The following PPP2R2C variants were observed in gnomAD, a reference collection of about 807,000 sequenced individuals.
PPP2R2C encodes protein phosphatase 2 regulatory subunit Bgamma.
A neutral mutation model predicts 45.3 loss-of-function variants in PPP2R2C; 10 were observed. That is an observed-to-expected ratio of 0.22 (90% confidence interval 0.14 to 0.37). PPP2R2C has a LOEUF of 0.37. Ranked by LOEUF, PPP2R2C falls within the 10% of genes least tolerant of loss-of-function variation. PPP2R2C has a pLI of 1.00. For synonymous variants in PPP2R2C, 257 were observed against 245.4 expected (o/e 1.05, Z -0.44); for missense variants, 308 against 619.7 (o/e 0.50, Z 5.34).
intron 1 of PPP2R2C, among the ~76,000 whole-genome samples, chr4:6,423,901 G>C (rs1203527147): frequency 6.8e-6 from 1 of 146,336 alleles, no homozygotes; most frequent in Non-Finnish European, 1.5e-5. Flanking sequence ...TTGAGAGTGT[G>C]TTAGGGTTAG....
At chr4:6,525,740 G>A (rs1440182880) in intron 2 of PPP2R2C, among the ~76,000 whole-genome samples, 3 of 152,034 alleles carry the variant, frequency 2.0e-5, no homozygotes, top group East Asian at 1.9e-4. Flanking sequence ...GTCTTGCTCT[G>A]TCTCCCAGAC....
intron 2 of PPP2R2C, among the ~76,000 whole-genome samples, chr4:6,502,028 G>A (rs116244130): frequency 5.7e-4 from 87 of 152,376 alleles, no homozygotes; most frequent in African/African-American, 2.1e-3. Context: ...CTGTCCTCAG[G>A]TGTCTAAAGG....
chr4:6,507,378 G>A (rs141514221), intron 2 of PPP2R2C, among the ~76,000 whole-genome samples: 10 of 152,326 alleles, frequency 6.6e-5, no homozygotes, highest in Non-Finnish European at 8.8e-5. Flanking sequence ...CAGCAACGTC[G>A]CAGGAAAGCC....
chr4:6,327,686 C>T (rs1327245210), intron 8 of PPP2R2C, among the ~76,000 whole-genome samples: 1 of 152,154 alleles, frequency 6.6e-6, no homozygotes, highest in African/African-American at 2.4e-5. Context: ...GGGGGCAGGG[C>T]CTAGAGAGAA....
intron 1 of PPP2R2C, 100 bp downstream of exon 1, chr4:6,472,060 C>A (rs1032482211): frequency 6.9e-7 from 1 of 1,450,548 alleles, no homozygotes; most frequent in Non-Finnish European, 9.5e-7. Context: ...CGGGGGGACA[C>A]GACACACATC....
rs1386079538 is a variant in PPP2R2C, at chr4:6,378,880, T to C, written c.169-308A>G. 6.6e-6 allele frequency among the ~76,000 whole-genome samples: 1 copy of C among 151,590 alleles called. No individual in the cohort carries two copies. Among genetic ancestry groups the C allele is most frequent in the Non-Finnish European group, 1.5e-5 (1 of 67,920 alleles). On this transcript the variant is annotated intron_variant, in intron 2 of 8. Transcript: ENST00000382599. This position sits in a 1 kb window ranked among gnomAD's most constrained non-coding sequence, Gnocchi z 5.2. The stretch of plus-strand genomic sequence containing the variant: ...ACTAAGTCCTCCCCGCACCATCGCA[T>C]TCTACCCTCCAGGCCTCCTCTGCTT...
At chr4:6,356,152 T>C (rs558649254) in intron 5 of PPP2R2C, among the ~76,000 whole-genome samples, 7 of 152,284 alleles carry the variant, frequency 4.6e-5, no homozygotes, top group East Asian at 1.9e-4. Context: ...TCTTTTTAGG[T>C]TGCAAATACT....
At chr4:6,520,281 G>A (rs938960425) in intron 2 of PPP2R2C, among the ~76,000 whole-genome samples, 3 of 152,128 alleles carry the variant, frequency 2.0e-5, no homozygotes, top group Admixed American at 6.5e-5. Context: ...GCTCCGGCCC[G>A]GGCTGGGCTC....
rs1577071888 is a variant in PPP2R2C, at chr4:6,332,809, T to G, written c.960+753A>C. Among the ~76,000 whole-genome samples the G allele has an allele frequency of 6.6e-6, 1 of 151,936 alleles. No individual in the cohort carries two copies. The highest frequency in any genetic ancestry group is 2.1e-4 in the South Asian group (1 of 4,806). The stretch of plus-strand genomic sequence containing the variant: ...TGACACGGTGAGGAACCGGCTGGGG[T>G]TTCTGGTGGGGTGTTTTCCCACCCA... On this transcript the variant is annotated intron_variant, in intron 7 of 8. Transcript: ENST00000382599. This position sits in a 1 kb window ranked among gnomAD's most constrained non-coding sequence, Gnocchi z 4.9.
At chr4:6,436,465 T>C (rs1488214768) in intron 1 of PPP2R2C, among the ~76,000 whole-genome samples, 2 of 152,248 alleles carry the variant, frequency 1.3e-5, no homozygotes, top group African/African-American at 2.4e-5. Context: ...CCAGAAGCTA[T>C]GGTTCCATCA....
chr4:6,394,427 T>C (rs1274292305), intron 1 of PPP2R2C, among the ~76,000 whole-genome samples: 1 of 152,230 alleles, frequency 6.6e-6, no homozygotes, highest in Non-Finnish European at 1.5e-5. Flanking sequence ...CACAGAACTA[T>C]GTGGACATTG....
At chr4:6,389,644 C>T (rs1359402549) in intron 1 of PPP2R2C, among the ~76,000 whole-genome samples, 1 of 152,152 alleles carries the variant, frequency 6.6e-6, no homozygotes, top group African/African-American at 2.4e-5. Flanking sequence ...CCAGGTCCAG[C>T]GGGGTGACGT....
At chr4:6,515,559 A>T (rs4234754) in intron 2 of PPP2R2C, among the ~76,000 whole-genome samples, 1 of 152,200 alleles carries the variant, frequency 6.6e-6, no homozygotes, top group Admixed American at 6.5e-5. Context: ...AAGAGCTGTC[A>T]TGCAGACTAA....
At chr4:6,477,966 T>C (rs4234745) in intron 2 of PPP2R2C, among the ~76,000 whole-genome samples, 35,664 of 151,864 alleles carry the variant, frequency 0.23, 4,630 homozygotes, top group East Asian at 0.6. Flanking sequence ...TTCCCCTTCC[T>C]GGTTCAGATG....
At position 6,378,028 on chromosome 4, in the gene PPP2R2C, C is replaced by G. The variant is rs1242657851; in HGVS notation, c.334+379G>C. 1.3e-5 allele frequency among the ~76,000 whole-genome samples: 2 copies of G among 152,184 alleles called. No individual in the cohort carries two copies. The highest frequency in any genetic ancestry group is 2.9e-5 in the Non-Finnish European group (2 of 68,040). ...ACTTTGTGTCAAATATCCCCCGTGT[C>G]TGCGACCTGCATCCTTGTCCATCAC... On this transcript the variant is annotated intron_variant, in intron 3 of 8. Coordinates refer to ENST00000382599, the MANE Select transcript of PPP2R2C (RefSeq NM_020416.4). The surrounding 1 kb of genome is among the most constrained non-coding windows in gnomAD (Gnocchi z 5.2).
At chr4:6,530,339 G>A (rs3934626) in intron 2 of PPP2R2C, among the ~76,000 whole-genome samples, 28,919 of 151,960 alleles carry the variant, frequency 0.19, 3,175 homozygotes, top group African/African-American at 0.32. Flanking sequence ...TGCACGCGAC[G>A]TATGTAGAAG....
chr4:6,504,035 G>A (rs1056673835), intron 2 of PPP2R2C, among the ~76,000 whole-genome samples: 2 of 152,248 alleles, frequency 1.3e-5, no homozygotes, highest in African/African-American at 4.8e-5. Context: ...CCTGAGAGCA[G>A]TCCTCCTCCT....
intron 1 of PPP2R2C, among the ~76,000 whole-genome samples, chr4:6,422,954 T>C (rs540691835): frequency 2.6e-5 from 4 of 152,280 alleles, no homozygotes; most frequent in African/African-American, 7.2e-5. Flanking sequence ...GCCAGCAGCA[T>C]GCCATATATT....
At chr4:6,563,705 CGG>C (rs1278023771), upstream of PPP2R2C, 1 of 7,250 alleles carries the variant, frequency 1.4e-4, no homozygotes, top group African/African-American at 5.0e-4. This position sits in a 1 kb window ranked among gnomAD's most constrained non-coding sequence, Gnocchi z 5.8. Flanking sequence ...GGGCGGGGGG[CGG>C]GGGGCGGGGG....
Sources: allele counts gnomAD v4.1 joint callset (sites outside exome capture counted in the v4.1 genomes callset), GRCh38; gene constraint gnomAD v4.1.1; non-coding constraint Gnocchi (gnomAD v3.1); transcripts MANE v1.5; gene names NCBI Gene and HGNC (gene_info 2026-07-23, HGNC 2026-07-21).